Variants in EPM2A observed in about 807,000 individuals in gnomAD.
EPM2A encodes the protein EPM2A glucan phosphatase, laforin.
In EPM2A, 21 loss-of-function variants were observed where a neutral mutation model predicts 26.5. The observed-to-expected ratio is 0.79, with a 90% CI of 0.56 to 1.14. EPM2A has a LOEUF of 1.14. Among genes scored for constraint, EPM2A ranks in the 50% most tolerant of loss-of-function variants. The probability of loss-of-function intolerance (pLI) is 0.00; values close to 1 mark genes in which losing one functional copy is unlikely to be tolerated. For synonymous variants in EPM2A, 217 were observed against 177.6 expected (o/e 1.22, Z -1.76); for missense variants, 458 against 440.8 (o/e 1.04, Z -0.35).
At chr6:145,536,456 C>T (rs434318) in intron 2 of EPM2A, among the ~76,000 whole-genome samples, 54,160 of 151,806 alleles carry the variant, frequency 0.36, 10,169 homozygotes, top group South Asian at 0.51. Context: ...CCACCACACC[C>T]GGCTAATTTT....
chr6:145,430,324 G>T (rs1778905379), intron 4 of EPM2A, among the ~76,000 whole-genome samples: 1 of 152,154 alleles, frequency 6.6e-6, no homozygotes, highest in African/African-American at 2.4e-5. Flanking sequence ...CATTGGCCCA[G>T]AGCGGTGGCT....
intron 1 of EPM2A, among the ~76,000 whole-genome samples, chr6:145,701,777 T>C (rs535226884): frequency 6.6e-6 from 1 of 152,320 alleles, no homozygotes; most frequent in South Asian, 2.1e-4. Flanking sequence ...AGGCATCACA[T>C]CTCCACCTGA....
At chr6:145,450,892 C>T (rs76478388) in intron 4 of EPM2A, among the ~76,000 whole-genome samples, 1 of 149,462 alleles carries the variant, frequency 6.7e-6, no homozygotes, top group African/African-American at 2.5e-5. Flanking sequence ...TATACTTTGT[C>T]TTTTTTTTTT....
At chr6:145,490,076 G>A in intron 4 of EPM2A, 1 of 1,289,286 alleles carries the variant, frequency 7.8e-7, no homozygotes, top group Admixed American at 2.2e-5. Context: ...CTGAAGCAAT[G>A]GTAGCACACG....
At chr6:145,490,465 T>C (rs1013585914) in intron 4 of EPM2A, 5 of 725,626 alleles carry the variant, frequency 6.9e-6, no homozygotes, top group Middle Eastern at 2.5e-4. Flanking sequence ...TTCACCTGTA[T>C]GTTTTCTAAG....
At chr6:145,678,139 T>C (rs946081873) in intron 2 of EPM2A, among the ~76,000 whole-genome samples, 13 of 152,242 alleles carry the variant, frequency 8.5e-5, no homozygotes, top group African/African-American at 3.1e-4. Flanking sequence ...TCTACAACCA[T>C]CTGATCATTG....
chr6:145,461,187 T>G (rs149953263), intron 4 of EPM2A, among the ~76,000 whole-genome samples: 1 of 152,324 alleles, frequency 6.6e-6, no homozygotes, highest in Non-Finnish European at 1.5e-5. Context: ...CAAAGCAATG[T>G]CCCTGTCTAA....
chr6:145,566,544 A>G (rs1402986871), intron 2 of EPM2A, among the ~76,000 whole-genome samples: 3 of 152,200 alleles, frequency 2.0e-5, no homozygotes, highest in Non-Finnish European at 4.4e-5. Context: ...CTGACTGGTG[A>G]TCACCTTGAC....
intron 2 of EPM2A, among the ~76,000 whole-genome samples, chr6:145,536,360 A>G (rs1780432040): frequency 6.6e-6 from 1 of 151,842 alleles, no homozygotes; most frequent in Non-Finnish European, 1.5e-5. Flanking sequence ...TAGGTGTGCA[A>G]TCTTGGCTAA....
chr6:145,559,975 G>A (rs908501866), intron 2 of EPM2A, among the ~76,000 whole-genome samples: 5 of 152,000 alleles, frequency 3.3e-5, no homozygotes, highest in African/African-American at 1.2e-4. Flanking sequence ...GAGGTTCACA[G>A]GTACCATAAG....
chr6:145,403,044 T>C (rs1778515478), intron 4 of EPM2A, among the ~76,000 whole-genome samples: 1 of 152,172 alleles, frequency 6.6e-6, no homozygotes, highest in African/African-American at 2.4e-5. Context: ...CTTCAATGTT[T>C]GCCACCCTGG....
At chr6:145,510,629 A>G (rs994523862) in intron 2 of EPM2A, among the ~76,000 whole-genome samples, 1 of 152,180 alleles carries the variant, frequency 6.6e-6, no homozygotes, top group Non-Finnish European at 1.5e-5. Context: ...AAATGCCTAC[A>G]TTAAGAAGAT....
chr6:145,484,658 A>G (rs1033119881), intron 4 of EPM2A, among the ~76,000 whole-genome samples: 3 of 152,050 alleles, frequency 2.0e-5, no homozygotes, highest in African/African-American at 7.2e-5. Flanking sequence ...AAATCACTGG[A>G]TTGTTCAGAG....
chr6:145,518,448 T>C (rs976935527), intron 2 of EPM2A, among the ~76,000 whole-genome samples: 1 of 152,146 alleles, frequency 6.6e-6, no homozygotes, highest in Non-Finnish European at 1.5e-5. Context: ...AGCAGCAAGA[T>C]GGACACTCCA....
chr6:145,633,897 CA>C (rs1265930398), intron 3 of EPM2A: 1 of 152,200 alleles, frequency 6.6e-6, no homozygotes, highest in Non-Finnish European at 1.5e-5. Context: ...CCTTGAAATT[CA>C]GAATGGGCCT....
downstream of EPM2A, among the ~76,000 whole-genome samples, chr6:145,496,728 A>ATGTTTTTTTTTTTTTTTTTT (rs779194973): frequency 7.5e-4 from 80 of 106,896 alleles, 19 homozygotes; most frequent in Middle Eastern, 5.5e-3. Flanking sequence ...AGTTCCTGCA[A>ATGTTTTTTTTTTTTTTTTTT]TTTTTTTTTT....
At chr6:145,655,200 A>C (rs1470273835) in intron 2 of EPM2A, among the ~76,000 whole-genome samples, 1 of 151,962 alleles carries the variant, frequency 6.6e-6, no homozygotes, top group Non-Finnish European at 1.5e-5. Flanking sequence ...AAAAAAAAAA[A>C]ACAGGATTGG....
At chr6:145,573,115 T>C (rs138691229) in intron 2 of EPM2A, among the ~76,000 whole-genome samples, 1 of 152,232 alleles carries the variant, frequency 6.6e-6, no homozygotes, top group Non-Finnish European at 1.5e-5. Flanking sequence ...GTAAGTCCAG[T>C]GTGTTTGCTA....
At chr6:145,598,907 G>C (rs1422643171) in intron 2 of EPM2A, among the ~76,000 whole-genome samples, 1 of 152,188 alleles carries the variant, frequency 6.6e-6, no homozygotes, top group East Asian at 1.9e-4. Context: ...CTGAAGATCA[G>C]AAAGTTGTAG....
Sources: allele counts gnomAD v4.1 joint callset (sites outside exome capture counted in the v4.1 genomes callset), GRCh38; gene constraint gnomAD v4.1.1; transcripts MANE v1.5; gene names NCBI Gene and HGNC (gene_info 2026-07-23, HGNC 2026-07-21).